The following ATF6 variants were observed in gnomAD, a reference collection of about 807,000 sequenced individuals.
ATF6 encodes the protein activating transcription factor 6.
ATF6 carries 53 observed loss-of-function variants against 83.6 expected under a neutral mutation model. The ratio of observed to expected loss-of-function variants is 0.63; its 90% CI spans 0.51 to 0.80. The LOEUF is 0.80. ATF6 is among the 30% of genes least tolerant of loss of function. The pLI is 0.00. For synonymous variants in ATF6, 288 were observed against 285.8 expected (o/e 1.01, Z -0.08); for missense variants, 744 against 797.9 (o/e 0.93, Z 0.81).
intron 10 of ATF6, among the ~76,000 whole-genome samples, chr1:161,847,215 G>C (rs1686504968): frequency 6.6e-6 from 1 of 152,114 alleles, no homozygotes; most frequent in South Asian, 2.1e-4. Context: ...ATTTGTATTA[G>C]AGCCAAATGG....
intron 7 of ATF6, among the ~76,000 whole-genome samples, chr1:161,809,392 C>T (rs1274766800): frequency 6.6e-6 from 1 of 152,170 alleles, no homozygotes; most frequent in East Asian, 1.9e-4. Flanking sequence ...TTTATGGCTG[C>T]ATAGTATTCC....
At chr1:161,870,682 A>G (rs1028764486) in intron 14 of ATF6, among the ~76,000 whole-genome samples, 1 of 151,868 alleles carries the variant, frequency 6.6e-6, no homozygotes, top group African/African-American at 2.4e-5. Context: ...TTGCTAGCTA[A>G]CATAAAAACA....
chr1:161,912,152 G>T (rs1029891774), intron 14 of ATF6, 144 bp from the exon 15 acceptor site: 4 of 530,642 alleles, frequency 7.5e-6, no homozygotes, highest in Non-Finnish European at 1.3e-5. Context: ...AAGCTGGTTT[G>T]TAGTTAATTA....
intron 9 of ATF6, among the ~76,000 whole-genome samples, chr1:161,829,058 G>A (rs924927693): frequency 2.6e-5 from 4 of 152,026 alleles, no homozygotes; most frequent in African/African-American, 9.7e-5. Flanking sequence ...AATGGTAAGG[G>A]GATCAATTCA....
Position 161,830,823 on chromosome 1 carries a change from T to C in ATF6, c.1187+9662T>C, listed in dbSNP as rs557743884. ...CAAGATGGATCAAAGACTTAAATGT[T>C]AGACCTAAAACCATAAAAACCCTAC... On this transcript the variant is annotated intron_variant, in intron 9 of 15. Transcript: ENST00000367942. Among the ~76,000 whole-genome samples, 784 of 152,324 alleles carry C rather than the reference T, an allele frequency of 5.1e-3. 2 individuals carry two copies. The highest frequency in any genetic ancestry group is 0.012 in the Admixed American group (182 of 15,304).
intron 15 of ATF6, among the ~76,000 whole-genome samples, chr1:161,947,691 T>G (rs1464819388): frequency 1.3e-5 from 2 of 152,150 alleles, no homozygotes; most frequent in African/African-American, 2.4e-5. Flanking sequence ...ATTTATATGC[T>G]TAAGTAGTAG....
chr1:161,897,342 G>A (rs1271541102), intron 14 of ATF6, among the ~76,000 whole-genome samples: 2 of 152,006 alleles, frequency 1.3e-5, no homozygotes, highest in Admixed American at 6.6e-5. Context: ...CTGAGGCGGG[G>A]GTGGGTGGAT....
chr1:161,944,590 T>A (rs1477792274), intron 15 of ATF6, among the ~76,000 whole-genome samples: 1 of 152,218 alleles, frequency 6.6e-6, no homozygotes, highest in African/African-American at 2.4e-5. Flanking sequence ...CCCCTACATT[T>A]GTGCAAAATG....
At chr1:161,771,772 C>G (rs1003062546) in intron 1 of ATF6, among the ~76,000 whole-genome samples, 3 of 152,134 alleles carry the variant, frequency 2.0e-5, no homozygotes, top group Non-Finnish European at 4.4e-5. Context: ...TGCCACCATG[C>G]CTGGCTTCTT....
chr1:161,911,826 A>C (rs1278138939), intron 14 of ATF6, among the ~76,000 whole-genome samples: 1 of 152,252 alleles, frequency 6.6e-6, no homozygotes, highest in African/African-American at 2.4e-5. Flanking sequence ...TTGCCTTTAA[A>C]AAAAAAGTTT....
intron 14 of ATF6, among the ~76,000 whole-genome samples, chr1:161,909,222 C>G (rs759612800): frequency 6.6e-6 from 1 of 152,192 alleles, no homozygotes; most frequent in Non-Finnish European, 1.5e-5. Flanking sequence ...CCATAATCCT[C>G]AACTTGCAGC....
intron 15 of ATF6, among the ~76,000 whole-genome samples, chr1:161,932,448 G>A (rs147503274): frequency 2.0e-3 from 300 of 151,782 alleles, no homozygotes; most frequent in Non-Finnish European, 3.8e-3. Flanking sequence ...CTTCCAAATT[G>A]GCCCTTTTTA....
intron 15 of ATF6, among the ~76,000 whole-genome samples, chr1:161,937,772 G>A (rs993799040): frequency 6.6e-6 from 1 of 151,984 alleles, no homozygotes; most frequent in African/African-American, 2.4e-5. Flanking sequence ...GATAGCATTA[G>A]GAGAAATACC....
intron 14 of ATF6, among the ~76,000 whole-genome samples, chr1:161,869,331 G>A (rs925688900): frequency 6.6e-6 from 1 of 151,792 alleles, no homozygotes; most frequent in Non-Finnish European, 1.5e-5. Flanking sequence ...TCAATTGTAT[G>A]TATATATATA....
chr1:161,866,071 G>T (rs1686991066), intron 14 of ATF6, among the ~76,000 whole-genome samples: 2 of 152,086 alleles, frequency 1.3e-5, no homozygotes, highest in South Asian at 4.1e-4. Flanking sequence ...TCCCACTTAG[G>T]TTCTTAATTT....
chr1:161,958,158 G>T (rs143248928), intron 15 of ATF6, among the ~76,000 whole-genome samples: 6 of 152,078 alleles, frequency 3.9e-5, no homozygotes, highest in African/African-American at 9.7e-5. Context: ...CAAGATATAC[G>T]ATGTCTGTGG....
At chr1:161,788,785 G>A (rs1684804995) in intron 4 of ATF6, among the ~76,000 whole-genome samples, 1 of 151,908 alleles carries the variant, frequency 6.6e-6, no homozygotes, top group African/African-American at 2.4e-5. Flanking sequence ...AAATGAATCA[G>A]TTTTCCTAAC....
intron 7 of ATF6, among the ~76,000 whole-genome samples, chr1:161,817,256 G>A (rs1194833015): frequency 6.6e-6 from 1 of 152,116 alleles, no homozygotes; most frequent in Admixed American, 6.5e-5. Flanking sequence ...AGATTAATTA[G>A]CCTTTAAAGT....
At chr1:161,814,384 A>G (rs1250812124) in intron 7 of ATF6, among the ~76,000 whole-genome samples, 2 of 152,148 alleles carry the variant, frequency 1.3e-5, no homozygotes, top group African/African-American at 4.8e-5. Context: ...GTTGTTCTTT[A>G]TCTTCATTCA....
Sources: gnomAD v4.1 joint callset for allele counts (sites outside exome capture counted in the v4.1 genomes callset) on GRCh38, gnomAD v4.1.1 for gene constraint, MANE v1.5 for transcripts, NCBI Gene and HGNC (gene_info 2026-07-23, HGNC 2026-07-21) for gene names.